Variants in MRAP2 observed in about 807,000 individuals in gnomAD.
MRAP2 encodes the protein melanocortin-2 receptor accessory protein 2.
A neutral mutation model predicts 17.4 loss-of-function variants in MRAP2; 20 were observed. That is an observed-to-expected ratio of 1.15 (90% CI 0.81 to 1.67). The LOEUF (loss-of-function observed/expected upper bound fraction) is 1.67. MRAP2 is among the 40% of genes most tolerant of loss of function. The pLI is 0.00. For missense variants in MRAP2, 238 were observed against 240.0 expected (o/e 0.99, Z 0.05); for synonymous variants, 96 against 88.4 (o/e 1.09, Z -0.48).
At chr6:84,072,705 G>T (rs1044946774) in intron 3 of MRAP2, among the ~76,000 whole-genome samples, 1 of 152,124 alleles carries the variant, frequency 6.6e-6, no homozygotes, top group African/African-American at 2.4e-5. Context: ...TTGGGGCAAG[G>T]CTAGGCGTGT....
the MRAP2 span, among the ~76,000 whole-genome samples, chr6:84,140,165 A>C: frequency 1.3e-5 from 2 of 152,146 alleles, no homozygotes. Context: ...CCAAGACACA[A>C]GTGACAAGTG....
the MRAP2 span, among the ~76,000 whole-genome samples, chr6:84,134,919 TACACACAC>T: frequency 2.3e-3 from 344 of 148,326 alleles, 2 homozygotes; most frequent in South Asian, 5.4e-3. Flanking sequence ...AGATCATATA[TACACACAC>T]ACACACACAC....
At chr6:84,120,487 C>G in the MRAP2 span, among the ~76,000 whole-genome samples, 1 of 152,142 alleles carries the variant, frequency 6.6e-6, no homozygotes, top group South Asian at 2.1e-4. Context: ...ATCCTGGCCC[C>G]TAAGTGCAAT....
rs557757990 is a variant in MRAP2 at position 84,040,313 on chromosome 6, C to T, written c.-8+6430C>T. Among the ~76,000 whole-genome samples, 6 of 152,346 alleles carry T rather than the reference C, an allele frequency of 3.9e-5. No individual in the cohort carries two copies. In the South Asian group the frequency reaches 1.0e-3, roughly 26 times the overall value. ...GCTGTGAGTCAATTAAACCTCTTTC[C>T]TTTGTAAATTACCCAGTCTCAGGTA... is the stretch of plus-strand genomic sequence containing the variant. On this transcript the variant is annotated intron_variant, in intron 1 of 3. Coordinates refer to ENST00000257776, the MANE Select transcript of MRAP2 (RefSeq NM_138409.4).
rs1384530003 is a variant in MRAP2 at position 84,059,423 on chromosome 6, G to A, written c.128-3470G>A. 2.0e-5 allele frequency among the ~76,000 whole-genome samples: 3 copies of A among 152,292 alleles called. No individual in the cohort carries two copies. In the South Asian group the frequency reaches 6.2e-4, roughly 32 times the overall value. ...GCCTTAGGAACAAAAAGTGGTGTGA[G>A]GAAAGTGTCATGAACCTCTCTTTCA... On this transcript the variant is annotated intron_variant, in intron 2 of 3. Coordinates refer to ENST00000257776, the MANE Select transcript of MRAP2 (RefSeq NM_138409.4).
chr6:84,058,698 G>A (rs898850664), intron 2 of MRAP2, among the ~76,000 whole-genome samples: 10 of 152,132 alleles, frequency 6.6e-5, no homozygotes, highest in African/African-American at 1.9e-4. Context: ...TTTAGAAGTT[G>A]GAGGGTTGCA....
At chr6:84,067,891 T>C (rs775287649) in intron 3 of MRAP2, among the ~76,000 whole-genome samples, 16 of 152,214 alleles carry the variant, frequency 1.1e-4, no homozygotes, top group Non-Finnish European at 2.2e-4. Context: ...CTTTTTAGTT[T>C]AATTAAGTTC....
intron 1 of MRAP2, among the ~76,000 whole-genome samples, chr6:84,036,301 A>G (rs1344056705): frequency 6.6e-6 from 1 of 152,208 alleles, no homozygotes; most frequent in Non-Finnish European, 1.5e-5. Context: ...GAAAAATAAT[A>G]TGAGGGTTGA....
chr6:84,055,706 T>C (rs1212777396), intron 2 of MRAP2, among the ~76,000 whole-genome samples: 1 of 152,164 alleles, frequency 6.6e-6, no homozygotes. Context: ...AAGCTGAGAT[T>C]GAGAATTTTT....
At chr6:84,082,679 A>G (rs2099499313) in intron 3 of MRAP2, among the ~76,000 whole-genome samples, 1 of 152,162 alleles carries the variant, frequency 6.6e-6, no homozygotes, top group African/African-American at 2.4e-5. Flanking sequence ...TCAGAGCTCA[A>G]ATAATCCTCC....
chr6:84,112,093 G>T, the MRAP2 span, among the ~76,000 whole-genome samples: 299 of 152,210 alleles, frequency 2.0e-3, no homozygotes, highest in African/African-American at 6.5e-3. Flanking sequence ...GCCAGGTTTT[G>T]GTATCAGGAT....
intron 2 of MRAP2, among the ~76,000 whole-genome samples, chr6:84,055,802 ATTTGAAGAACCTTCTT>A (rs2099491571): frequency 6.6e-6 from 1 of 152,200 alleles, no homozygotes; most frequent in South Asian, 2.1e-4. Flanking sequence ...TGGAACTGTT[ATTTGAAGAACCTTCTT>A]TTGTAACACA....
At chr6:84,115,958 A>G in the MRAP2 span, among the ~76,000 whole-genome samples, 1 of 152,122 alleles carries the variant, frequency 6.6e-6, no homozygotes, top group Admixed American at 6.5e-5. Context: ...TCAGTTGGAA[A>G]TGCAGAGATC....
chr6:84,033,695 CCCT>C (rs1286422783), upstream of MRAP2: 152 of 985,156 alleles, frequency 1.5e-4, no homozygotes, highest in Non-Finnish European at 1.8e-4. Flanking sequence ...CGCGCTGCAG[CCCT>C]GCTCCGGCGC....
intron 1 of MRAP2, among the ~76,000 whole-genome samples, chr6:84,049,636 T>C (rs1195185258): frequency 6.6e-6 from 1 of 152,206 alleles, no homozygotes; most frequent in African/African-American, 2.4e-5. Flanking sequence ...TGACTGAATA[T>C]CTATCAGTGT....
In MRAP2 at chr6:84,055,464, C is replaced by T. The variant is rs114262637; in HGVS notation, c.127+19C>T. 1.9e-6 allele frequency: 3 copies of T among 1,606,544 alleles called. No individual in the cohort carries two copies. Among genetic ancestry groups the T allele is most frequent in the African/African-American group, 2.7e-5 (2 of 74,604 alleles). ...CATAAATGTAAGTTTTATACAATTC[C>T]TCATTGAAAGCATAATTGTATTTCT... is the stretch of plus-strand genomic sequence containing the variant. On this transcript the variant is annotated intron_variant, in intron 2 of 3. Transcript: ENST00000257776.
intron 1 of MRAP2, chr6:84,045,422 C>T (rs796713417): frequency 2.0e-6 from 2 of 979,790 alleles, no homozygotes; most frequent in African/African-American, 3.5e-5. Context: ...AATGACCTGC[C>T]CCCAGCCGTC....
intron 1 of MRAP2, among the ~76,000 whole-genome samples, chr6:84,051,294 A>G (rs978971450): frequency 2.6e-4 from 39 of 152,156 alleles, no homozygotes; most frequent in African/African-American, 9.4e-4. Flanking sequence ...CGGTGACTAC[A>G]CCTATAATCC....
chr6:84,054,653 G>A (rs2099491255), intron 1 of MRAP2, among the ~76,000 whole-genome samples: 1 of 152,172 alleles, frequency 6.6e-6, no homozygotes, highest in Non-Finnish European at 1.5e-5. Context: ...GGTGTTGAAT[G>A]GATACCTACT....
Sources: gnomAD v4.1 joint callset for allele counts (sites outside exome capture counted in the v4.1 genomes callset) on GRCh38, gnomAD v4.1.1 for gene constraint, MANE v1.5 for transcripts, NCBI Gene and HGNC (gene_info 2026-07-23, HGNC 2026-07-21) for gene names.